LRRC4C: variants seen among roughly 807,000 people sequenced by gnomAD.
LRRC4C encodes the protein leucine-rich repeat-containing protein 4C.
LRRC4C carries 5 observed loss-of-function variants against 33.6 expected under a neutral mutation model. The ratio of observed to expected loss-of-function variants is 0.15; its 90% CI spans 0.08 to 0.31. The LOEUF is 0.31. Ranked by LOEUF, LRRC4C falls within the 10% of genes least tolerant of loss-of-function variation. The probability of loss-of-function intolerance (pLI) is 1.00; values close to 1 mark genes in which losing one functional copy is unlikely to be tolerated. For synonymous variants in LRRC4C, 329 were observed against 302.0 expected (o/e 1.09, Z -0.93); for missense variants, 560 against 796.7 (o/e 0.70, Z 3.58).
intron 2 of LRRC4C, among the ~76,000 whole-genome samples, chr11:40,825,938 T>C (rs1451167489): frequency 3.2e-5 from 1 of 31,738 alleles, no homozygotes; most frequent in Non-Finnish European, 9.6e-5. Context: ...CATATTGTAT[T>C]CTGGGGGGGG....
chr11:41,369,840 G>A (rs1289038528), intron 1 of LRRC4C, among the ~76,000 whole-genome samples: 3 of 152,132 alleles, frequency 2.0e-5, no homozygotes, highest in South Asian at 2.1e-4. Flanking sequence ...TCCACTCTGC[G>A]AATAATGTGC....
At chr11:41,043,518 T>C (rs546608925) in intron 1 of LRRC4C, among the ~76,000 whole-genome samples, 2 of 152,214 alleles carry the variant, frequency 1.3e-5, no homozygotes, top group African/African-American at 2.4e-5. Flanking sequence ...TCCAAATCAA[T>C]AATGATATCT....
chr11:41,367,804 T>C (rs1591364990), intron 1 of LRRC4C, among the ~76,000 whole-genome samples: 1 of 152,126 alleles, frequency 6.6e-6, no homozygotes, highest in African/African-American at 2.4e-5. Context: ...TCCCAAGGCC[T>C]CCCTGCCATA....
intron 3 of LRRC4C, among the ~76,000 whole-genome samples, chr11:40,344,863 C>T (rs139244811): frequency 2.4e-3 from 370 of 152,072 alleles, no homozygotes; most frequent in African/African-American, 8.5e-3. Flanking sequence ...CGAAGAACAT[C>T]CAAGCTGAGA....
At chr11:40,418,201 A>C (rs185936413) in intron 3 of LRRC4C, among the ~76,000 whole-genome samples, 1 of 152,194 alleles carries the variant, frequency 6.6e-6, no homozygotes, top group African/African-American at 2.4e-5. Context: ...TTTGCAATCT[A>C]TCTATTTATA....
chr11:41,368,998 A>C (rs541886288), intron 1 of LRRC4C, among the ~76,000 whole-genome samples: 1 of 152,322 alleles, frequency 6.6e-6, no homozygotes, highest in Non-Finnish European at 1.5e-5. Context: ...CTGTTACCAC[A>C]TGTGTTTTTC....
chr11:41,305,869 C>G (rs1950483526), intron 1 of LRRC4C, among the ~76,000 whole-genome samples: 2 of 133,632 alleles, frequency 1.5e-5, no homozygotes, highest in Admixed American at 1.6e-4. Context: ...TGCCAAATCC[C>G]CCTCTGTGAG....
At chr11:41,079,207 A>G (rs1939381558) in intron 1 of LRRC4C, among the ~76,000 whole-genome samples, 1 of 152,210 alleles carries the variant, frequency 6.6e-6, no homozygotes, top group Non-Finnish European at 1.5e-5. Context: ...GGCTGAAGAT[A>G]GCCTCTGAGG....
chr11:40,585,468 T>C (rs1958680913), intron 3 of LRRC4C, among the ~76,000 whole-genome samples: 1 of 141,016 alleles, frequency 7.1e-6, no homozygotes, highest in Non-Finnish European at 1.5e-5. Flanking sequence ...AATTTGAATT[T>C]GTTATTTCTT....
intron 2 of LRRC4C, among the ~76,000 whole-genome samples, chr11:40,711,778 G>C (rs1233584289): frequency 6.6e-6 from 1 of 150,972 alleles, no homozygotes; most frequent in Non-Finnish European, 1.5e-5. Context: ...TCTCCCCTTT[G>C]AGTAAAATGA....
intron 2 of LRRC4C, among the ~76,000 whole-genome samples, chr11:40,723,513 T>C (rs1947131920): frequency 6.6e-6 from 1 of 152,144 alleles, no homozygotes; most frequent in Admixed American, 6.5e-5. Context: ...CAAACGAAGC[T>C]TGATAAGCAA....
intron 3 of LRRC4C, among the ~76,000 whole-genome samples, chr11:40,623,170 A>C (rs1962617021): frequency 6.6e-6 from 1 of 151,622 alleles, no homozygotes; most frequent in African/African-American, 2.4e-5. Context: ...TCATTTGTAA[A>C]ATGAGTTGGA....
rs180702927 is a variant in LRRC4C, at chr11:41,040,643, G to A, written c.-495-106920C>T. Among the ~76,000 whole-genome samples the A allele has an allele frequency of 4.6e-3, 702 of 152,264 alleles. 10 individuals are homozygous for A. Among genetic ancestry groups the A allele is most frequent in the South Asian group, 0.03 (146 of 4,822 alleles). On this transcript the variant is annotated intron_variant, in intron 1 of 6. Coordinates refer to ENST00000528697, the MANE Select transcript of LRRC4C (RefSeq NM_001258419.2). ...AAAAAGGACTTCAAATAAAGGGAAA[G>A]TCTTGTGGTGAAAGACTTCTCAACC...
At chr11:41,186,935 T>C (rs1945718742) in intron 1 of LRRC4C, among the ~76,000 whole-genome samples, 1 of 152,226 alleles carries the variant, frequency 6.6e-6, no homozygotes, top group African/African-American at 2.4e-5. Flanking sequence ...TATATACGTC[T>C]GATAAATCAA....
At chr11:40,190,110 T>G (rs2135595173) in intron 5 of LRRC4C, among the ~76,000 whole-genome samples, 1 of 152,310 alleles carries the variant, frequency 6.6e-6, no homozygotes, top group East Asian at 1.9e-4. Flanking sequence ...TTCAGCAGGC[T>G]ATAAAACCCC....
At chr11:41,046,196 G>A (rs1367763852) in intron 1 of LRRC4C, among the ~76,000 whole-genome samples, 1 of 152,016 alleles carries the variant, frequency 6.6e-6, no homozygotes, top group Non-Finnish European at 1.5e-5. Flanking sequence ...TAGATAACGT[G>A]CTTTGTGTAT....
At chr11:41,456,944 G>A (rs1956187435) in intron 1 of LRRC4C, among the ~76,000 whole-genome samples, 1 of 152,146 alleles carries the variant, frequency 6.6e-6, no homozygotes, top group Non-Finnish European at 1.5e-5. Flanking sequence ...GAAATGCTTT[G>A]CACATTTCAT....
At chr11:40,640,929 T>C (rs1405843718) in intron 3 of LRRC4C, among the ~76,000 whole-genome samples, 2 of 143,360 alleles carry the variant, frequency 1.4e-5, no homozygotes, top group Non-Finnish European at 3.0e-5. Flanking sequence ...GGCAGAAGAA[T>C]GGCGTGAACC....
intron 1 of LRRC4C, among the ~76,000 whole-genome samples, chr11:41,078,781 C>G (rs1280359603): frequency 6.6e-6 from 1 of 152,104 alleles, no homozygotes; most frequent in Non-Finnish European, 1.5e-5. Flanking sequence ...CTTGAAAAGG[C>G]TTTTTTTCCC....
Sources: allele counts gnomAD v4.1 joint callset (sites outside exome capture counted in the v4.1 genomes callset), GRCh38; gene constraint gnomAD v4.1.1; transcripts MANE v1.5; gene names NCBI Gene and HGNC (gene_info 2026-07-23, HGNC 2026-07-21).